Variants in C1QTNF7 observed in about 807,000 individuals in gnomAD.
C1QTNF7 encodes the protein complement C1q tumor necrosis factor-related protein 7.
C1QTNF7 carries 15 observed loss-of-function variants against 19.6 expected under a neutral mutation model. The observed-to-expected ratio is 0.76, with a 90% CI of 0.51 to 1.18. The LOEUF is 1.18. Ranked by LOEUF, C1QTNF7 falls within the 50% of genes most tolerant of loss-of-function variation. The pLI is 0.00. For synonymous variants in C1QTNF7, 142 were observed against 137.5 expected (o/e 1.03, Z -0.23); for missense variants, 324 against 359.7 (o/e 0.90, Z 0.80).
At chr4:15,340,984 T>C (rs10033552) in intron 1 of C1QTNF7, among the ~76,000 whole-genome samples, 1,930 of 152,322 alleles carry the variant, frequency 0.013, 32 homozygotes, top group African/African-American at 0.044. Flanking sequence ...GGCATATAAA[T>C]ATGAGATGTG....
intron 1 of C1QTNF7, among the ~76,000 whole-genome samples, chr4:15,413,851 A>C (rs1719492135): frequency 6.6e-6 from 1 of 152,220 alleles, no homozygotes; most frequent in African/African-American, 2.4e-5. Flanking sequence ...CCCTACAAAG[A>C]GGGTCATCTC....
upstream of C1QTNF7, among the ~76,000 whole-genome samples, chr4:15,427,451 G>C (rs962593662): frequency 6.6e-6 from 1 of 152,128 alleles, no homozygotes; most frequent in African/African-American, 2.4e-5. Context: ...AGACATATTA[G>C]TTTTCTAAAA....
chr4:15,400,235 A>T (rs1291631332), intron 1 of C1QTNF7, among the ~76,000 whole-genome samples: 1 of 152,244 alleles, frequency 6.6e-6, no homozygotes, highest in Non-Finnish European at 1.5e-5. Context: ...AACTTGACTG[A>T]AAAAAGAAAA....
chr4:15,379,025 A>G (rs1718046178), intron 1 of C1QTNF7, among the ~76,000 whole-genome samples: 1 of 152,224 alleles, frequency 6.6e-6, no homozygotes, highest in African/African-American at 2.4e-5. Context: ...AGTGACCTCA[A>G]TGCAACCTAG....
chr4:15,361,071 T>C (rs1717327257), intron 1 of C1QTNF7: 1 of 152,194 alleles, frequency 6.6e-6, no homozygotes, highest in Admixed American at 6.5e-5. Context: ...TTCTATTTAG[T>C]ATTTAAAAGG....
At chr4:15,344,618 C>T (rs1716652500) in intron 1 of C1QTNF7, among the ~76,000 whole-genome samples, 1 of 152,216 alleles carries the variant, frequency 6.6e-6, no homozygotes. Flanking sequence ...AGATAACACT[C>T]TAAGCACTTT....
At chr4:15,381,445 A>T (rs941872741) in intron 1 of C1QTNF7, among the ~76,000 whole-genome samples, 1 of 151,882 alleles carries the variant, frequency 6.6e-6, no homozygotes, top group Non-Finnish European at 1.5e-5. Context: ...AATTGTGAAC[A>T]TGGAAATATT....
intron 1 of C1QTNF7, among the ~76,000 whole-genome samples, chr4:15,408,356 T>A (rs1719275753): frequency 6.6e-6 from 1 of 151,748 alleles, no homozygotes; most frequent in African/African-American, 2.4e-5. Context: ...TAAGTATATA[T>A]GTATGTATGT....
chr4:15,356,900 A>G (rs958604165), intron 1 of C1QTNF7, among the ~76,000 whole-genome samples: 3 of 148,752 alleles, frequency 2.0e-5, no homozygotes, highest in South Asian at 2.1e-4. Context: ...GTCTCTTTTG[A>G]GAAGTGTCTG....
Position 15,444,834 on chromosome 4 carries a change from G to A in C1QTNF7, c.*2035G>A, listed in dbSNP as rs9683452. The A allele has an allele frequency of 0.076, 11,566 of 152,224 alleles. 1,417 individuals carry two copies. Among genetic ancestry groups the A allele is most frequent in the African/African-American group, 0.26 (10,809 of 41,446 alleles). The allele number at this position is 152,224 out of a possible 1,614,324, so 9.4% of individuals were successfully genotyped here. On this transcript the variant is annotated 3_prime_UTR_variant, in exon 3 of 3. Coordinates refer to ENST00000444304, the MANE Select transcript of C1QTNF7 (RefSeq NM_031911.5). The stretch of plus-strand genomic sequence containing the variant: ...TTGAGACAGAGGTAATGATGGGGAC[G>A]AAGTGAGAACAGAGACCCAGAAGGA...
chr4:15,372,182 T>C (rs1166616348), intron 1 of C1QTNF7, among the ~76,000 whole-genome samples: 1 of 152,234 alleles, frequency 6.6e-6, no homozygotes, highest in South Asian at 2.1e-4. Context: ...ATGGACTGAA[T>C]TGTGTCACCC....
rs2108947005 is a variant in C1QTNF7, at chr4:15,445,884, C to T, written c.*3085C>T. ...AGATAAATAAGATATAAAAAGAAAACAGCAGTCAAAAGCAGATGAGAAGAA... is the reference window on the plus strand; with the variant it reads ...AGATAAATAAGATATAAAAAGAAAATAGCAGTCAAAAGCAGATGAGAAGAA... On this transcript the variant is annotated 3_prime_UTR_variant, in exon 3 of 3. Coordinates refer to ENST00000444304, the MANE Select transcript of C1QTNF7 (RefSeq NM_031911.5). The T allele has an allele frequency of 6.6e-6, 1 of 151,204 alleles. No individual in the cohort carries two copies. Among genetic ancestry groups the T allele is most frequent in the East Asian group, 1.9e-4 (1 of 5,150 alleles). 9.4% of individuals were successfully genotyped at this position (151,204 alleles called of 1,614,324 possible).
At position 15,444,624 on chromosome 4, in the gene C1QTNF7, G is replaced by A. The variant is rs1712925622; in HGVS notation, c.*1825G>A. 1 of 152,178 alleles carries A rather than the reference G, an allele frequency of 6.6e-6. No homozygotes were observed. Among genetic ancestry groups the A allele is most frequent in the African/African-American group, 2.4e-5 (1 of 41,436 alleles). The allele number at this position is 152,178 out of a possible 1,614,324, so 9.4% of individuals were successfully genotyped here. A position where few individuals can be genotyped will look rare whatever the true frequency, so the allele number is the denominator to read the frequency against. ...ACACACAAAAAATACCTAAATTTTG[G>A]ATGAGAAAATGATAAAATATGCTAA... On this transcript the variant is annotated 3_prime_UTR_variant, in exon 3 of 3. Coordinates refer to ENST00000444304, the MANE Select transcript of C1QTNF7 (RefSeq NM_031911.5).
chr4:15,343,713 G>T (rs1160165490), intron 1 of C1QTNF7, among the ~76,000 whole-genome samples: 1 of 152,140 alleles, frequency 6.6e-6, no homozygotes, highest in Non-Finnish European at 1.5e-5. Context: ...CAGTGAGTGG[G>T]AATTCAAAGA....
intron 1 of C1QTNF7, among the ~76,000 whole-genome samples, chr4:15,393,942 A>G (rs1054746831): frequency 2.0e-5 from 3 of 148,058 alleles, no homozygotes; most frequent in Non-Finnish European, 4.5e-5. Context: ...CATTTCCTAC[A>G]TCGTATAGTG....
chr4:15,424,108 T>C (rs139059614), upstream of C1QTNF7, among the ~76,000 whole-genome samples: 16 of 152,344 alleles, frequency 1.1e-4, no homozygotes, highest in East Asian at 2.7e-3. Flanking sequence ...GCAAATTTCT[T>C]GGCTTTCTGG....
At chr4:15,395,899 G>A (rs1718764622) in intron 1 of C1QTNF7, among the ~76,000 whole-genome samples, 1 of 152,126 alleles carries the variant, frequency 6.6e-6, no homozygotes, top group Non-Finnish European at 1.5e-5. Context: ...TTAAACCTCA[G>A]TCTTTTTGAC....
intron 1 of C1QTNF7, among the ~76,000 whole-genome samples, chr4:15,372,593 A>T (rs565635912): frequency 1.3e-5 from 2 of 152,346 alleles, no homozygotes; most frequent in African/African-American, 4.8e-5. Context: ...TTCAAATAAT[A>T]AATTAATAAA....
chr4:15,432,015 G>A (rs942325141), intron 1 of C1QTNF7, among the ~76,000 whole-genome samples: 1 of 152,174 alleles, frequency 6.6e-6, no homozygotes, highest in Admixed American at 6.5e-5. Context: ...GATGTGAAGA[G>A]GGAGATGAAG....
Sources: allele counts gnomAD v4.1 joint callset (sites outside exome capture counted in the v4.1 genomes callset), GRCh38; gene constraint gnomAD v4.1.1; transcripts MANE v1.5; gene names NCBI Gene and HGNC (gene_info 2026-07-23, HGNC 2026-07-21).